The following KCNH8 variants were observed in gnomAD, a reference collection of about 807,000 sequenced individuals.
KCNH8 encodes the protein voltage-gated delayed rectifier potassium channel KCNH8.
KCNH8 carries 70 observed loss-of-function variants against 103.6 expected under a neutral mutation model. The observed-to-expected ratio is 0.68, with a 90% CI of 0.56 to 0.82. The LOEUF (loss-of-function observed/expected upper bound fraction) is 0.82, where lower values mean the gene tolerates loss of function less well. Among genes scored for constraint, KCNH8 ranks in the 40% least tolerant of loss-of-function variants. The probability of loss-of-function intolerance (pLI) is 0.00; values close to 1 mark genes in which losing one functional copy is unlikely to be tolerated. For missense variants in KCNH8, 1,217 were observed against 1,329.9 expected (o/e 0.92, Z 1.32); for synonymous variants, 498 against 489.4 (o/e 1.02, Z -0.23).
intron 15 of KCNH8, among the ~76,000 whole-genome samples, chr3:19,522,442 CA>C (rs781404603): frequency 3.3e-5 from 5 of 151,764 alleles, no homozygotes; most frequent in Non-Finnish European, 7.4e-5. Context: ...CTCAAACAGT[CA>C]GGCAGGAGGA....
intron 1 of KCNH8, among the ~76,000 whole-genome samples, chr3:19,226,885 A>G (rs78461009): frequency 0.12 from 18,635 of 152,140 alleles, 3,757 homozygotes; most frequent in African/African-American, 0.42. Context: ...TAGATCTATG[A>G]TTTGTATACA....
intron 11 of KCNH8, among the ~76,000 whole-genome samples, chr3:19,506,827 G>C (rs1039268465): frequency 9.9e-5 from 15 of 152,244 alleles, no homozygotes; most frequent in Admixed American, 2.6e-4. Context: ...GGGGACCCAA[G>C]CTGGGGGCAC....
At chr3:19,171,379 T>TC (rs1425258602) in intron 1 of KCNH8, among the ~76,000 whole-genome samples, 1 of 152,218 alleles carries the variant, frequency 6.6e-6, no homozygotes, top group African/African-American at 2.4e-5. Context: ...TTGCTCCTGT[T>TC]CATTTATCTC....
intron 11 of KCNH8, among the ~76,000 whole-genome samples, chr3:19,460,446 A>G (rs540882733): frequency 2.8e-4 from 42 of 152,262 alleles, no homozygotes; most frequent in African/African-American, 9.6e-4. Context: ...AGGGAACATC[A>G]ATGCAGTTTA....
chr3:19,332,281 A>G (rs2065521545), intron 3 of KCNH8, among the ~76,000 whole-genome samples: 1 of 152,076 alleles, frequency 6.6e-6, no homozygotes, highest in African/African-American at 2.4e-5. Context: ...CCCTAACCCT[A>G]CTACTGCTAG....
intron 1 of KCNH8, among the ~76,000 whole-genome samples, chr3:19,178,693 C>T (rs1393009892): frequency 6.6e-6 from 1 of 152,102 alleles, no homozygotes; most frequent in Non-Finnish European, 1.5e-5. Context: ...TGAAGACAAA[C>T]ATAGGGAGGC....
chr3:19,335,724 G>A (rs113727050), intron 3 of KCNH8, among the ~76,000 whole-genome samples: 1,844 of 151,380 alleles, frequency 0.012, 37 homozygotes, highest in African/African-American at 0.042. Context: ...CCACATTACT[G>A]GTCTATTCAA....
intron 7 of KCNH8, among the ~76,000 whole-genome samples, chr3:19,431,633 T>C (rs1363161924): frequency 6.6e-6 from 1 of 152,064 alleles, no homozygotes; most frequent in Non-Finnish European, 1.5e-5. Flanking sequence ...TTGTTTTGTT[T>C]TGTTTTTTGT....
chr3:19,504,775 C>T (rs937525721), intron 11 of KCNH8, among the ~76,000 whole-genome samples: 4 of 151,974 alleles, frequency 2.6e-5, no homozygotes, highest in Non-Finnish European at 4.4e-5. Context: ...GTCAATTCCT[C>T]AAAGAGCTAA....
intron 11 of KCNH8, among the ~76,000 whole-genome samples, chr3:19,471,743 C>T (rs2067860755): frequency 6.6e-6 from 1 of 152,184 alleles, no homozygotes; most frequent in Admixed American, 6.5e-5. Context: ...AAGTCCCAAA[C>T]CACCTGACTT....
rs1432176943 is a variant in KCNH8, at chr3:19,501,794, C to A, written c.2041-8569C>A. ...CGTATCTCAAAATAATAAGAGCTAT[C>A]TATGACAAACCCACAGCCAATATCA... On this transcript the variant is annotated intron_variant, in intron 11 of 15. Transcript: ENST00000328405. Among the ~76,000 whole-genome samples, 6 of 152,078 alleles carry A rather than the reference C, an allele frequency of 3.9e-5. No homozygotes were observed. The East Asian group carries it at 7.7e-4, about 20-fold the overall frequency.
At chr3:19,182,117 G>A (rs2063459066) in intron 1 of KCNH8, among the ~76,000 whole-genome samples, 1 of 152,092 alleles carries the variant, frequency 6.6e-6, no homozygotes, top group Admixed American at 6.5e-5. Context: ...TGTAAATAGA[G>A]GCCATATATT....
At chr3:19,210,593 C>G (rs1294783660) in intron 1 of KCNH8, among the ~76,000 whole-genome samples, 1 of 151,962 alleles carries the variant, frequency 6.6e-6, no homozygotes, top group Admixed American at 6.6e-5. Flanking sequence ...TCAAGATTGT[C>G]CTTTTACTCC....
At chr3:19,308,691 T>TCCCC (rs1559470014) in intron 3 of KCNH8, among the ~76,000 whole-genome samples, 3 of 69,070 alleles carry the variant, frequency 4.3e-5, no homozygotes, top group Non-Finnish European at 8.3e-5. Flanking sequence ...TCTCTCTCTC[T>TCCCC]CTCTCTCTCT....
chr3:19,333,315 C>T (rs1343765852), intron 3 of KCNH8, among the ~76,000 whole-genome samples: 3 of 152,102 alleles, frequency 2.0e-5, no homozygotes, highest in Non-Finnish European at 2.9e-5. Context: ...TATAAATGTG[C>T]TAATTTGAAG....
intron 14 of KCNH8, among the ~76,000 whole-genome samples, chr3:19,516,453 T>C (rs1047280539): frequency 2.6e-5 from 4 of 152,068 alleles, no homozygotes; most frequent in African/African-American, 7.2e-5. Flanking sequence ...GATTTATTGA[T>C]TTAACTGACT....
Position 19,514,020 on chromosome 3 carries a change from T to C in KCNH8, c.2435+695T>C, listed in dbSNP as rs1046917525. On this transcript the variant is annotated intron_variant, in intron 13 of 15. Transcript: ENST00000328405. ...AAAAAATATGTATTACTTTTTATGTTTCATGTATTTTGCGAGATAATTTCA... is the reference window on the plus strand; with the variant it reads ...AAAAAATATGTATTACTTTTTATGTCTCATGTATTTTGCGAGATAATTTCA... Among the ~76,000 whole-genome samples the C allele has an allele frequency of 4.0e-5, 6 of 150,330 alleles. No individual in the cohort carries two copies. In the East Asian group the frequency reaches 9.6e-4, roughly 24 times the overall value.
chr3:19,394,096 G>T (rs1296955268), intron 6 of KCNH8, among the ~76,000 whole-genome samples: 1 of 151,980 alleles, frequency 6.6e-6, no homozygotes, highest in Non-Finnish European at 1.5e-5. Context: ...GTTCAGTTTT[G>T]TAAAGGAAAG....
At chr3:19,357,711 A>G (rs2065897524) in intron 5 of KCNH8, among the ~76,000 whole-genome samples, 1 of 151,904 alleles carries the variant, frequency 6.6e-6, no homozygotes, top group Non-Finnish European at 1.5e-5. Context: ...TGGTCTCTCT[A>G]AGAACTCTTC....
Sources: gnomAD v4.1 joint callset for allele counts (sites outside exome capture counted in the v4.1 genomes callset) on GRCh38, gnomAD v4.1.1 for gene constraint, MANE v1.5 for transcripts, NCBI Gene and HGNC (gene_info 2026-07-23, HGNC 2026-07-21) for gene names.